The following CPAP variants were observed in gnomAD, a reference collection of about 807,000 sequenced individuals.
CPAP encodes centrosomal P4.1-associated protein.
the CPAP span, among the ~76,000 whole-genome samples, chr13:24,891,335 C>G: frequency 1.3e-5 from 2 of 152,082 alleles, no homozygotes; most frequent in African/African-American, 4.8e-5. Context: ...CACATTGAGA[C>G]GATCCCAGGT....
chr13:24,888,267 A>C, the CPAP span, among the ~76,000 whole-genome samples: 2 of 152,132 alleles, frequency 1.3e-5, no homozygotes, highest in African/African-American at 2.4e-5. Context: ...ATTAAAAAAA[A>C]CACAAACTGA....
chr13:24,889,678 A>G, the CPAP span, among the ~76,000 whole-genome samples: 1 of 152,170 alleles, frequency 6.6e-6, no homozygotes, highest in Non-Finnish European at 1.5e-5. Context: ...ATTACAGAGC[A>G]GAGGAGGAGC....
chr13:24,895,844 A>G, the CPAP span, among the ~76,000 whole-genome samples: 2 of 152,262 alleles, frequency 1.3e-5, no homozygotes, highest in Non-Finnish European at 2.9e-5. Context: ...CCAGGAGGGC[A>G]GAAATTGCTA....
chr13:24,885,159 A>T, the CPAP span: 48 of 711,200 alleles, frequency 6.7e-5, no homozygotes, highest in East Asian at 1.2e-3. Context: ...CTGAACGAGA[A>T]ATGGCAACTA....
At chr13:24,906,939 T>C in the CPAP span, 5 of 1,614,002 alleles carry the variant, frequency 3.1e-6, no homozygotes, top group Non-Finnish European at 3.4e-6. Flanking sequence ...TTTGCTTTGA[T>C]TGGCAATGGT....
chr13:24,933,018 CTT>C, the CPAP span: 30,166 of 1,583,768 alleles, frequency 0.019, 351 homozygotes, highest in East Asian at 0.042. Flanking sequence ...TGATGGGAAT[CTT>C]TGCAAATTGT....
chr13:24,915,447 A>T, the CPAP span, among the ~76,000 whole-genome samples: 1 of 152,236 alleles, frequency 6.6e-6, no homozygotes, highest in South Asian at 2.1e-4. Context: ...CATCCTCAGC[A>T]TAAAGATGGT....
chr13:24,922,651 C>A, the CPAP span: 3 of 152,510 alleles, frequency 2.0e-5, no homozygotes, highest in African/African-American at 7.2e-5. Context: ...CTCCTCGCCC[C>A]GCCGAGCCAA....
the CPAP span, among the ~76,000 whole-genome samples, chr13:24,915,104 AAATT>A: frequency 6.6e-6 from 1 of 152,052 alleles, no homozygotes; most frequent in Admixed American, 6.6e-5. Flanking sequence ...AATTAATAAT[AAATT>A]AATAAAAAGC....
At chr13:24,926,165 C>T in the CPAP span, among the ~76,000 whole-genome samples, 6 of 152,134 alleles carry the variant, frequency 3.9e-5, no homozygotes, top group African/African-American at 1.4e-4. Context: ...ATGGAACCCC[C>T]AAAAATGAGG....
chr13:24,910,286 C>T, the CPAP span, among the ~76,000 whole-genome samples: 54 of 152,318 alleles, frequency 3.5e-4, no homozygotes, highest in African/African-American at 1.3e-3. Context: ...TGCAGTGGTG[C>T]GATCTCAGCT....
At chr13:24,909,723 A>T in the CPAP span, 1 of 1,419,100 alleles carries the variant, frequency 7.0e-7, no homozygotes, top group Non-Finnish European at 9.8e-7. Flanking sequence ...AAAAACATGG[A>T]AAGGCTTCAT....
the CPAP span, among the ~76,000 whole-genome samples, chr13:24,918,317 T>C: frequency 1.3e-5 from 2 of 152,172 alleles, no homozygotes; most frequent in African/African-American, 4.8e-5. Context: ...ATAACTAATA[T>C]TGAGACATTT....
chr13:24,921,494 G>GATACACTTA, the CPAP span, among the ~76,000 whole-genome samples: 1 of 99,452 alleles, frequency 1.0e-5, no homozygotes, highest in South Asian at 4.5e-4. Flanking sequence ...TTAATACAGG[G>GATACACTTA]GGTGGATACA....
chr13:24,894,563 C>A, the CPAP span, among the ~76,000 whole-genome samples: 1 of 152,222 alleles, frequency 6.6e-6, no homozygotes, highest in African/African-American at 2.4e-5. Flanking sequence ...ATTTGGAGAT[C>A]CAGGCACAGT....
chr13:24,906,336 T>G, the CPAP span: 1 of 1,609,308 alleles, frequency 6.2e-7, no homozygotes. Context: ...TCCTTTTCCT[T>G]TTCTCGTTCC....
the CPAP span, chr13:24,899,490 G>A: frequency 1.8e-5 from 29 of 1,613,318 alleles, no homozygotes; most frequent in South Asian, 3.3e-5. Flanking sequence ...AAAACTTTAC[G>A]TTCCTTTTGT....
the CPAP span, chr13:24,909,958 G>A: frequency 1.2e-6 from 2 of 1,614,166 alleles, no homozygotes; most frequent in Non-Finnish European, 1.7e-6. Context: ...ATGTTGGACG[G>A]GTATGTTTCT....
At chr13:24,901,760 G>A in the CPAP span, among the ~76,000 whole-genome samples, 1 of 152,246 alleles carries the variant, frequency 6.6e-6, no homozygotes, top group Non-Finnish European at 1.5e-5. Context: ...GGGAGGCCAA[G>A]GCAGGGGGAT....
Sources: gnomAD v4.1 joint callset for allele counts (sites outside exome capture counted in the v4.1 genomes callset) on GRCh38, gnomAD v4.1.1 for gene constraint, MANE v1.5 for transcripts, NCBI Gene and HGNC (gene_info 2026-07-23, HGNC 2026-07-21) for gene names.